Variants in CACNA1E observed in about 807,000 individuals in gnomAD.
CACNA1E encodes voltage-dependent R-type calcium channel subunit alpha-1E.
Under a neutral mutation model 259.2 loss-of-function variants are expected in CACNA1E, and 40 were observed. The ratio of observed to expected loss-of-function variants is 0.15; its 90% CI spans 0.12 to 0.20. CACNA1E has a LOEUF of 0.20. Ranked by LOEUF, CACNA1E falls within the 10% of genes least tolerant of loss-of-function variation. The pLI is 1.00. For missense variants in CACNA1E, 1,874 were observed against 3,040.1 expected (o/e 0.62, Z 9.02); for synonymous variants, 1,104 against 1,138.5 (o/e 0.97, Z 0.61).
chr1:181,397,262 C>T (rs937171997), intron 1 of CACNA1E, among the ~76,000 whole-genome samples: 1 of 152,168 alleles, frequency 6.6e-6, no homozygotes, highest in Non-Finnish European at 1.5e-5. Flanking sequence ...TACGTCTCAC[C>T]ACAATAATGG....
intron 3 of CACNA1E, among the ~76,000 whole-genome samples, chr1:181,572,782 A>G (rs1388087234): frequency 2.0e-5 from 3 of 152,134 alleles, no homozygotes; most frequent in African/African-American, 7.2e-5. Flanking sequence ...TATTGCAGCA[A>G]TCATCACCTG....
intron 1 of CACNA1E, among the ~76,000 whole-genome samples, chr1:181,402,855 C>T (rs1657199880): frequency 6.6e-6 from 1 of 152,204 alleles, no homozygotes; most frequent in Non-Finnish European, 1.5e-5. Flanking sequence ...TCCAGAGAGA[C>T]ATTAGGTAAG....
At chr1:181,554,062 G>A (rs1378984165) in intron 3 of CACNA1E, among the ~76,000 whole-genome samples, 1 of 152,122 alleles carries the variant, frequency 6.6e-6, no homozygotes, top group East Asian at 1.9e-4. Flanking sequence ...GCAGGCTGGA[G>A]TGCAGTGGTG....
At position 181,736,449 on chromosome 1, in the gene CACNA1E, CGTTGCTCCCTCTTTAGTGCTAGG is replaced by C; in HGVS notation, c.3422+18_3422+40del. 1 of 1,607,524 alleles carries C rather than the reference CGTTGCTCCCTCTTTAGTGCTAGG, an allele frequency of 6.2e-7. No homozygotes were observed. Among genetic ancestry groups the C allele is most frequent in the Non-Finnish European group, 8.5e-7 (1 of 1,176,684 alleles). On this transcript the variant is annotated intron_variant, in intron 22 of 47. Coordinates refer to ENST00000367573, the MANE Select transcript of CACNA1E (RefSeq NM_001205293.3). Reference sequence around the variant, plus strand: ...ACCACCAACCCGTAAGCCACCCTCGCGTTGCTCCCTCTTTAGTGCTAGGGTAAACGGCCAGGTGTGAGGCAGGG... The same window carrying C: ...ACCACCAACCCGTAAGCCACCCTCGCGTAAACGGCCAGGTGTGAGGCAGGG...
At chr1:181,777,329 T>C (rs1429088069) in intron 38 of CACNA1E, among the ~76,000 whole-genome samples, 3 of 152,238 alleles carry the variant, frequency 2.0e-5, no homozygotes, top group Non-Finnish European at 4.4e-5. Flanking sequence ...TTTACAGGCA[T>C]GGACCAAGTT....
intron 8 of CACNA1E, among the ~76,000 whole-genome samples, chr1:181,714,860 C>T (rs1039489108): frequency 1.3e-5 from 2 of 152,176 alleles, no homozygotes; most frequent in African/African-American, 2.4e-5. Context: ...CTGACTCCTC[C>T]TCAGAGACAT....
At chr1:181,319,075 T>C (rs1312346510) in intron 1 of CACNA1E, among the ~76,000 whole-genome samples, 1 of 152,218 alleles carries the variant, frequency 6.6e-6, no homozygotes, top group Non-Finnish European at 1.5e-5. Flanking sequence ...GGTCACTTGC[T>C]GCAGTCGTGT....
intron 45 of CACNA1E, 42 bp from the exon 46 acceptor site, chr1:181,794,822 T>C: frequency 6.4e-7 from 1 of 1,556,608 alleles, no homozygotes; most frequent in East Asian, 2.3e-5. Context: ...TTTTCAATCG[T>C]TAATCCATAC....
At chr1:181,442,091 G>A (rs1156406254) in intron 2 of CACNA1E, among the ~76,000 whole-genome samples, 1 of 152,206 alleles carries the variant, frequency 6.6e-6, no homozygotes, top group African/African-American at 2.4e-5. Flanking sequence ...AAAAGTAGCA[G>A]CTCTGCTTCC....
intron 1 of CACNA1E, among the ~76,000 whole-genome samples, chr1:181,374,993 G>A (rs948668526): frequency 6.6e-6 from 1 of 152,066 alleles, no homozygotes; most frequent in African/African-American, 2.4e-5. Flanking sequence ...GATTAGTAGG[G>A]TGAAAACAAA....
chr1:181,459,512 C>A (rs1661671445), intron 2 of CACNA1E, among the ~76,000 whole-genome samples: 1 of 152,232 alleles, frequency 6.6e-6, no homozygotes, highest in African/African-American at 2.4e-5. Context: ...ACTCCATCAT[C>A]CATGCCCTCT....
chr1:181,415,373 A>T (rs1421894254), intron 2 of CACNA1E, among the ~76,000 whole-genome samples: 1 of 152,068 alleles, frequency 6.6e-6, no homozygotes, highest in East Asian at 1.9e-4. Context: ...TGATTGGGAG[A>T]CTGTTTTCAC....
intron 7 of CACNA1E, among the ~76,000 whole-genome samples, chr1:181,661,375 A>G (rs1647660618): frequency 1.3e-5 from 2 of 152,178 alleles, no homozygotes; most frequent in African/African-American, 4.8e-5. Context: ...CGGAAAGGAC[A>G]GGACAGCTCC....
chr1:181,680,691 TCA>T (rs921573990), intron 7 of CACNA1E, among the ~76,000 whole-genome samples: 3 of 152,230 alleles, frequency 2.0e-5, no homozygotes, highest in African/African-American at 7.2e-5. Context: ...ATCCCTGTCC[TCA>T]GTTATCCTCT....
intron 3 of CACNA1E, among the ~76,000 whole-genome samples, chr1:181,547,357 G>C (rs1647603343): frequency 6.6e-6 from 1 of 152,144 alleles, no homozygotes; most frequent in African/African-American, 2.4e-5. Flanking sequence ...TCTCACCCCT[G>C]TTCATGATCT....
At chr1:181,502,692 CTT>C (rs1236440385) in intron 1 of CACNA1E, among the ~76,000 whole-genome samples, 2 of 152,032 alleles carry the variant, frequency 1.3e-5, no homozygotes, top group Non-Finnish European at 2.9e-5. Context: ...CTTGCTTGTT[CTT>C]TTTTTGTTTT....
At chr1:181,601,328 G>A (rs747627511) in intron 6 of CACNA1E, among the ~76,000 whole-genome samples, 14 of 151,908 alleles carry the variant, frequency 9.2e-5, no homozygotes, top group Non-Finnish European at 1.6e-4. Flanking sequence ...CCTTTATTGA[G>A]GGCCTGCCAT....
rs111705042 is a variant in CACNA1E, at chr1:181,716,579, G to T, written c.1315+450G>T. Reference sequence around the variant, plus strand: ...ATCATGTGAAATTTAAACTAATTCTGATTGGCAATTATTTAACATTATGTG... The same window carrying T: ...ATCATGTGAAATTTAAACTAATTCTTATTGGCAATTATTTAACATTATGTG... On this transcript the variant is annotated intron_variant, in intron 10 of 47. Transcript: ENST00000367573. Among the ~76,000 whole-genome samples the T allele has an allele frequency of 3.5e-3, 526 of 152,314 alleles. 4 individuals are homozygous for T. The highest frequency in any genetic ancestry group is 0.012 in the African/African-American group (508 of 41,572).
chr1:181,766,551 C>G lies in CACNA1E; in HGVS notation c.4821C>G (p.Leu1607=). 1.2e-6 allele frequency: 2 copies of G among 1,612,598 alleles called. No homozygotes were observed. The highest frequency in any genetic ancestry group is 1.3e-5 in the African/African-American group (1 of 75,018). ...LWTFVQSFKA[L]PYVCLLIAML... ...TATCTCTGCTTTCCTTCCAGGCCCT[C>G]CCTTATGTCTGCCTTTTAATTGCCA... The change falls in exon 35 of 48, where the codon CTC becomes CTG. Residue 1607 remains leucine, a synonymous_variant. Transcript: ENST00000367573.
Sources: gnomAD v4.1 joint callset for allele counts (sites outside exome capture counted in the v4.1 genomes callset) on GRCh38, gnomAD v4.1.1 for gene constraint, MANE v1.5 for transcripts, NCBI Gene and HGNC (gene_info 2026-07-23, HGNC 2026-07-21) for gene names.